BMAL1: variants seen among roughly 807,000 people sequenced by gnomAD.
BMAL1 encodes basic helix-loop-helix ARNT like 1, also known as basic helix-loop-helix ARNT-like protein 1.
chr11:13,308,161 GGA>G, the BMAL1 span, among the ~76,000 whole-genome samples: 1 of 152,194 alleles, frequency 6.6e-6, no homozygotes, highest in Non-Finnish European at 1.5e-5. Flanking sequence ...GGGAGAGAAA[GGA>G]GATGAAAATG....
At chr11:13,360,869 G>A in the BMAL1 span, among the ~76,000 whole-genome samples, 9,923 of 152,282 alleles carry the variant, frequency 0.065, 491 homozygotes, top group African/African-American at 0.14. Flanking sequence ...TATAATCCCA[G>A]CACTTTGAGA....
At chr11:13,384,207 T>C in the BMAL1 span, among the ~76,000 whole-genome samples, 2 of 152,114 alleles carry the variant, frequency 1.3e-5, no homozygotes, top group Non-Finnish European at 2.9e-5. Flanking sequence ...CAAGCAAAAA[T>C]TGGAATTTTT....
chr11:13,333,619 C>T, the BMAL1 span, among the ~76,000 whole-genome samples: 22 of 152,222 alleles, frequency 1.4e-4, no homozygotes, highest in Non-Finnish European at 2.9e-4. Flanking sequence ...CCTCTAACCA[C>T]CCGCCAGTGC....
chr11:13,379,052 A>G, the BMAL1 span: 1 of 152,112 alleles, frequency 6.6e-6, no homozygotes, highest in South Asian at 2.1e-4. Context: ...CTACCTGGCT[A>G]TGCTGAGACT....
the BMAL1 span, among the ~76,000 whole-genome samples, chr11:13,327,601 A>G: frequency 1.3e-5 from 2 of 152,148 alleles, no homozygotes; most frequent in Non-Finnish European, 2.9e-5. Context: ...CTTTTCTGTC[A>G]TTGACTGAAC....
At chr11:13,310,765 C>T in the BMAL1 span, among the ~76,000 whole-genome samples, 1 of 152,190 alleles carries the variant, frequency 6.6e-6, no homozygotes. Context: ...AAATGCCCGG[C>T]TAAGGCACAT....
chr11:13,302,540 C>T, the BMAL1 span, among the ~76,000 whole-genome samples: 401 of 152,322 alleles, frequency 2.6e-3, 1 homozygote, highest in African/African-American at 9.0e-3. Context: ...AAATGCTGTG[C>T]AATCGCTATT....
the BMAL1 span, among the ~76,000 whole-genome samples, chr11:13,322,432 A>G: frequency 6.6e-6 from 1 of 152,230 alleles, no homozygotes; most frequent in African/African-American, 2.4e-5. Flanking sequence ...TAGTGCTTCA[A>G]TGACAGCACC....
chr11:13,378,220 CA>C, the BMAL1 span: 6 of 1,355,456 alleles, frequency 4.4e-6, no homozygotes, highest in Non-Finnish European at 5.8e-6. Flanking sequence ...TCCCTCAAGG[CA>C]CAACTCTGAT....
the BMAL1 span, chr11:13,376,660 G>A: frequency 6.2e-7 from 1 of 1,614,040 alleles, no homozygotes; most frequent in Middle Eastern, 1.7e-4. Flanking sequence ...CTGGAAGGCG[G>A]GGACCCAACC....
chr11:13,364,547 G>C, the BMAL1 span, among the ~76,000 whole-genome samples: 1 of 152,214 alleles, frequency 6.6e-6, no homozygotes, highest in Non-Finnish European at 1.5e-5. Context: ...ATTAGAACGA[G>C]GGAGGGCTGA....
the BMAL1 span, among the ~76,000 whole-genome samples, chr11:13,302,685 T>A: frequency 6.6e-6 from 1 of 152,156 alleles, no homozygotes; most frequent in Non-Finnish European, 1.5e-5. Context: ...AATTGTTTCT[T>A]AAAAGGCACA....
At chr11:13,283,233 G>T in the BMAL1 span, among the ~76,000 whole-genome samples, 1 of 152,196 alleles carries the variant, frequency 6.6e-6, no homozygotes, top group Admixed American at 6.5e-5. Flanking sequence ...ACTGGGTTTT[G>T]TGCATATACT....
the BMAL1 span, among the ~76,000 whole-genome samples, chr11:13,322,015 G>C: frequency 6.6e-6 from 1 of 152,180 alleles, no homozygotes. Context: ...GCATGAACCT[G>C]TTATCACCAT....
the BMAL1 span, among the ~76,000 whole-genome samples, chr11:13,363,305 T>C: frequency 8.5e-5 from 13 of 152,120 alleles, no homozygotes; most frequent in Non-Finnish European, 1.8e-4. Context: ...ATACCCATAC[T>C]TACCAGGGTA....
At chr11:13,369,678 G>A in the BMAL1 span, 2 of 1,614,180 alleles carry the variant, frequency 1.2e-6, no homozygotes, top group Non-Finnish European at 1.7e-6. Flanking sequence ...TCTGGAGCAC[G>A]ACGTTCTTTC....
At chr11:13,363,393 C>T in the BMAL1 span, among the ~76,000 whole-genome samples, 2 of 151,980 alleles carry the variant, frequency 1.3e-5, no homozygotes, top group African/African-American at 4.8e-5. Flanking sequence ...GTTTATGCAG[C>T]ACTCAAGAGT....
At chr11:13,283,223 A>C in the BMAL1 span, among the ~76,000 whole-genome samples, 2 of 152,304 alleles carry the variant, frequency 1.3e-5, no homozygotes, top group Non-Finnish European at 2.9e-5. Flanking sequence ...TGCTCTACCC[A>C]CTGGGTTTTG....
At chr11:13,372,546 A>C in the BMAL1 span, 1 of 1,356,192 alleles carries the variant, frequency 7.4e-7, no homozygotes, top group Non-Finnish European at 1.0e-6. Context: ...GCAGTGGCTC[A>C]CACCTCAAAT....
Sources: allele counts gnomAD v4.1 joint callset (sites outside exome capture counted in the v4.1 genomes callset), GRCh38; gene constraint gnomAD v4.1.1; transcripts MANE v1.5; gene names NCBI Gene and HGNC (gene_info 2026-07-23, HGNC 2026-07-21).